Variants in ACOX3 observed in about 807,000 individuals in gnomAD.
The protein encoded by ACOX3 is peroxisomal acyl-coenzyme A oxidase 3.
In ACOX3, 73 loss-of-function variants were observed where a neutral mutation model predicts 81.5. The ratio of observed to expected loss-of-function variants is 0.90; its 90% confidence interval spans 0.74 to 1.09. The LOEUF (loss-of-function observed/expected upper bound fraction) is 1.09, where lower values mean the gene tolerates loss of function less well. Ranked by LOEUF, ACOX3 falls within the 50% of genes least tolerant of loss-of-function variation. ACOX3 has a pLI of 0.00. For synonymous variants in ACOX3, 387 were observed against 375.1 expected (o/e 1.03, Z -0.37); for missense variants, 947 against 928.0 (o/e 1.02, Z -0.27).
chr4:8,440,171 A>AG (rs1724524462), intron 1 of ACOX3, among the ~76,000 whole-genome samples: 1 of 152,244 alleles, frequency 6.6e-6, no homozygotes. Flanking sequence ...TTTCACGTGG[A>AG]CCCTTAAAGT....
chr4:8,423,476 C>T lies in ACOX3; in HGVS notation c.-14-6941G>A, dbSNP rs559828412. Among the ~76,000 whole-genome samples the T allele has an allele frequency of 7.0e-4, 106 of 152,232 alleles. 1 individual carries two copies. In the South Asian group the frequency reaches 9.3e-3, roughly 13 times the overall value. On this transcript the variant is annotated intron_variant, in intron 1 of 17. Coordinates refer to ENST00000356406, the MANE Select transcript of ACOX3 (RefSeq NM_003501.3). The surrounding 1 kb of genome is among the most constrained non-coding windows in gnomAD (Gnocchi z 4.2). ...CACCAAAGGCAGTACCCTCTTAGAC[C>T]CGAGGCCCAACAAGGACTCCAAAAG...
At chr4:8,408,891 T>TGGGGG (rs200811549) in intron 6 of ACOX3, among the ~76,000 whole-genome samples, 64 of 25,788 alleles carry the variant, frequency 2.5e-3, no homozygotes, top group African/African-American at 3.5e-3. Flanking sequence ...GAGCCCTCAC[T>TGGGGG]GGGGGGGGGG....
intron 14 of ACOX3, among the ~76,000 whole-genome samples, chr4:8,380,390 T>C (rs3775897): frequency 0.27 from 40,566 of 151,950 alleles, 8,064 homozygotes; most frequent in African/African-American, 0.57. Flanking sequence ...CAGGTTTCAC[T>C]GTATTAGCCA....
At chr4:8,356,439 C>T in the ACOX3 span, 2 of 420,448 alleles carry the variant, frequency 4.8e-6, no homozygotes, top group Non-Finnish European at 9.7e-6. Context: ...CTTGATCTCT[C>T]CATCTCTCAG....
chr4:8,361,364 C>T (rs914045424), downstream of ACOX3, among the ~76,000 whole-genome samples: 11 of 130,468 alleles, frequency 8.4e-5, no homozygotes, highest in Admixed American at 5.5e-4. Flanking sequence ...AGGCGGAGCT[C>T]GCAGTGAGCT....
chr4:8,387,447 G>A (rs545490908), intron 13 of ACOX3, among the ~76,000 whole-genome samples: 3 of 152,348 alleles, frequency 2.0e-5, no homozygotes, highest in Non-Finnish European at 2.9e-5. Flanking sequence ...TACCTGGCCC[G>A]CCGGGACAGG....
chr4:8,382,038 C>T lies in ACOX3; in HGVS notation c.1538-431G>A, dbSNP rs776579734. ...ACTGGCCGGCGGTGGCGCCCAGTGG[C>T]GAGAGGAAGGGGTGCTTCCGTTCGC... On this transcript the variant is annotated intron_variant, in intron 13 of 17. Transcript: ENST00000356406. This position sits in a 1 kb window ranked among gnomAD's most constrained non-coding sequence, Gnocchi z 4.1. Among the ~76,000 whole-genome samples the T allele has an allele frequency of 2.0e-5, 3 of 152,182 alleles. No individual in the cohort carries two copies. Among genetic ancestry groups the T allele is most frequent in the Admixed American group, 6.5e-5 (1 of 15,286 alleles).
the ACOX3 span, chr4:8,356,709 C>G: frequency 4.4e-6 from 2 of 454,970 alleles, no homozygotes; most frequent in South Asian, 3.1e-5. Context: ...GAACTGTGCA[C>G]GCTAACATGA....
intron 5 of ACOX3, among the ~76,000 whole-genome samples, chr4:8,413,874 G>A (rs1010211179): frequency 1.3e-5 from 2 of 152,254 alleles, no homozygotes; most frequent in Non-Finnish European, 2.9e-5. Flanking sequence ...CAGGCTCTTC[G>A]CAGAGGGACA....
At position 8,416,119 on chromosome 4, in the gene ACOX3, C is replaced by A. The variant is rs1560199623; in HGVS notation, c.145-120G>T. On this transcript the variant is annotated intron_variant, in intron 2 of 17. Coordinates refer to ENST00000356406, the MANE Select transcript of ACOX3 (RefSeq NM_003501.3). The surrounding 1 kb of genome is among the most constrained non-coding windows in gnomAD (Gnocchi z 4.2). ...GGGACACAGTCTGACCCGGAGACAC[C>A]CAGACAGAGATATGACTATCATTCC... The A allele has an allele frequency of 4.6e-6, 5 of 1,077,454 alleles. No individual in the cohort carries two copies. The highest frequency in any genetic ancestry group is 5.4e-6 in the Non-Finnish European group (4 of 735,494). The allele number at this position is 1,077,454 out of a possible 1,614,324, so 66.7% of individuals were successfully genotyped here.
Position 8,389,415 on chromosome 4 carries a change from G to A in ACOX3, c.1424-129C>T. On this transcript the variant is annotated intron_variant, in intron 12 of 17. Transcript: ENST00000356406. The surrounding 1 kb of genome is among the most constrained non-coding windows in gnomAD (Gnocchi z 5.3). Reference sequence around the variant, plus strand: ...GACGGCCACAGACCCACAGGCGAGGGTCTGGGTCTCAAGGACCCTCCCCAC... The same window carrying A: ...GACGGCCACAGACCCACAGGCGAGGATCTGGGTCTCAAGGACCCTCCCCAC... 1 of 1,261,784 alleles carries A rather than the reference G, an allele frequency of 7.9e-7. No individual in the cohort carries two copies. The allele number at this position is 1,261,784 out of a possible 1,614,324, so 78.2% of individuals were successfully genotyped here. A position where few individuals can be genotyped will look rare whatever the true frequency, so the allele number is the denominator to read the frequency against.
Position 8,405,206 on chromosome 4 carries a change from G to A in ACOX3, c.776+749C>T, listed in dbSNP as rs183484493. Among the ~76,000 whole-genome samples, 12 of 152,298 alleles carry A rather than the reference G, an allele frequency of 7.9e-5. No homozygotes were observed. The highest frequency in any genetic ancestry group is 1.5e-4 in the Non-Finnish European group (10 of 68,024). On this transcript the variant is annotated intron_variant, in intron 7 of 17. Coordinates refer to ENST00000356406, the MANE Select transcript of ACOX3 (RefSeq NM_003501.3). The surrounding 1 kb of genome is among the most constrained non-coding windows in gnomAD (Gnocchi z 7.1). ...CCTCAAAGACCCTCAAGGCCCTTGC[G>A]GCCTGGCCTCCCTACCCCGCCTGCA...
At position 8,437,729 on chromosome 4, in the gene ACOX3, G is replaced by A. The variant is rs928974510; in HGVS notation, c.-15+2919C>T. Among the ~76,000 whole-genome samples, 4 of 152,236 alleles carry A rather than the reference G, an allele frequency of 2.6e-5. No homozygotes were observed. The highest frequency in any genetic ancestry group is 4.8e-5 in the African/African-American group (2 of 41,458). On this transcript the variant is annotated intron_variant, in intron 1 of 17. Coordinates refer to ENST00000356406, the MANE Select transcript of ACOX3 (RefSeq NM_003501.3). The surrounding 1 kb of genome is among the most constrained non-coding windows in gnomAD (Gnocchi z 5.2). The stretch of plus-strand genomic sequence containing the variant: ...GATGAAAAAAGAAAGGACACTAGAA[G>A]GGTGAATGTTCAGAAGGCAATAAAA...
intron 7 of ACOX3, among the ~76,000 whole-genome samples, chr4:8,402,609 C>A (rs947673236): frequency 2.0e-5 from 3 of 152,200 alleles, no homozygotes; most frequent in African/African-American, 4.8e-5. Context: ...CAAACTTCCA[C>A]GAATTCTCAG....
the ACOX3 span, chr4:8,356,578 C>T: frequency 1.8e-5 from 8 of 456,616 alleles, no homozygotes; most frequent in African/African-American, 1.4e-4. Flanking sequence ...CACACGTACA[C>T]AGAGGAAGAA....
intron 1 of ACOX3, among the ~76,000 whole-genome samples, chr4:8,427,984 G>C (rs1723665371): frequency 1.3e-5 from 2 of 152,226 alleles, no homozygotes; most frequent in African/African-American, 2.4e-5. Context: ...CTACCGTCTA[G>C]GCTTCTGTCA....
Position 8,399,584 on chromosome 4 carries a change from G to A in ACOX3, c.845C>T (p.Pro282Leu). The stretch of plus-strand genomic sequence containing the variant: ...AAAGGGGCTGACATAGGTGCCCTCG[G>A]GGGTGACGTCTCCCATCCGGTTCAG... ...SLLNRMGDVTPEGTYVSPFKD... is the reference protein window; with the variant it reads ...SLLNRMGDVTLEGTYVSPFKD... Residue 282 changes from proline (P) to leucine (L), a missense_variant, in exon 8 of 18, where the codon CCC becomes CTC. Transcript: ENST00000356406. This position sits in a 1 kb window ranked among gnomAD's most constrained non-coding sequence, Gnocchi z 4.9. 6.2e-7 allele frequency: 1 copy of A among 1,614,184 alleles called. No homozygotes were observed. Among genetic ancestry groups the A allele is most frequent in the Non-Finnish European group, 8.5e-7 (1 of 1,180,026 alleles).
In ACOX3 at chr4:8,419,243, G is replaced by A. The variant is rs1722668459; in HGVS notation, c.-14-2708C>T. Among the ~76,000 whole-genome samples, 1 of 151,912 alleles carries A rather than the reference G, an allele frequency of 6.6e-6. No individual in the cohort carries two copies. The highest frequency in any genetic ancestry group is 2.1e-4 in the South Asian group (1 of 4,812). The stretch of plus-strand genomic sequence containing the variant: ...GAGGTCAGGAATTCAAGACCAGCCT[G>A]GCCAACATGGTGAAACCTCATCTCT... On this transcript the variant is annotated intron_variant, in intron 1 of 17. Transcript: ENST00000356406. This position sits in a 1 kb window ranked among gnomAD's most constrained non-coding sequence, Gnocchi z 4.2.
chr4:8,378,113 G>A (rs1029019156), intron 14 of ACOX3, among the ~76,000 whole-genome samples: 1 of 152,180 alleles, frequency 6.6e-6, no homozygotes, highest in African/African-American at 2.4e-5. Flanking sequence ...GCACAGGAGA[G>A]AGGAGAGGGT....
Sources: gnomAD v4.1 joint callset for allele counts (sites outside exome capture counted in the v4.1 genomes callset) on GRCh38, gnomAD v4.1.1 for gene constraint, Gnocchi (gnomAD v3.1) non-coding constraint, MANE v1.5 for transcripts, NCBI Gene and HGNC (gene_info 2026-07-23, HGNC 2026-07-21) for gene names.